KLF15: variants seen among roughly 807,000 people sequenced by gnomAD.
KLF15 encodes KLF transcription factor 15.
Under a neutral mutation model 24.6 loss-of-function variants are expected in KLF15, and 4 were observed. The observed-to-expected ratio is 0.16, with a 90% CI of 0.08 to 0.37. The LOEUF is 0.37. KLF15 is among the 10% of genes least tolerant of loss of function. The pLI is 1.00. For synonymous variants in KLF15, 246 were observed against 236.3 expected, an observed-to-expected ratio of 1.04 and a Z score of -0.37; for missense variants, 496 against 560.6, an observed-to-expected ratio of 0.88 and a Z score of 1.16.
chr3:126,348,200 A>C (rs930414664), intron 2 of KLF15, among the ~76,000 whole-genome samples: 4 of 152,202 alleles, frequency 2.6e-5, no homozygotes, highest in Non-Finnish European at 4.4e-5. Flanking sequence ...TGGAGAATTT[A>C]CCTAACTCTT....
At chr3:126,353,744 G>T (rs1218413555) in intron 1 of KLF15, among the ~76,000 whole-genome samples, 1 of 152,206 alleles carries the variant, frequency 6.6e-6, no homozygotes, top group Non-Finnish European at 1.5e-5. Flanking sequence ...TGACTGCCCT[G>T]TGAGTGGCAC....
intron 1 of KLF15, among the ~76,000 whole-genome samples, chr3:126,353,837 G>A (rs910162283): frequency 3.9e-5 from 6 of 152,176 alleles, no homozygotes; most frequent in African/African-American, 1.4e-4. Flanking sequence ...GTGATAATCC[G>A]TGGAGTGGAA....
chr3:126,323,417 ATATATATATAT>A, the KLF15 span, among the ~76,000 whole-genome samples: 1 of 38,242 alleles, frequency 2.6e-5, no homozygotes, highest in African/African-American at 1.1e-4. Flanking sequence ...ATATATATAT[ATATATATATAT>A]ATATATAACA....
chr3:126,334,136 A>C, the KLF15 span, among the ~76,000 whole-genome samples: 1 of 152,012 alleles, frequency 6.6e-6, no homozygotes, highest in Admixed American at 6.6e-5. Context: ...TCAGCACCAC[A>C]CCACACCTAT....
At chr3:126,320,083 C>T in the KLF15 span, among the ~76,000 whole-genome samples, 2 of 152,098 alleles carry the variant, frequency 1.3e-5, no homozygotes, top group South Asian at 4.1e-4. Flanking sequence ...AGGATCGCAC[C>T]TTCCTAGAGG....
At chr3:126,339,511 C>T (rs1393177226), downstream of KLF15, among the ~76,000 whole-genome samples, 1 of 152,106 alleles carries the variant, frequency 6.6e-6, no homozygotes, top group Non-Finnish European at 1.5e-5. Context: ...CTCTTTGCCT[C>T]ATTCTGCATC....
downstream of KLF15, among the ~76,000 whole-genome samples, chr3:126,338,682 A>T (rs1223851331): frequency 6.6e-6 from 1 of 152,190 alleles, no homozygotes; most frequent in Non-Finnish European, 1.5e-5. Flanking sequence ...TGACATTTGC[A>T]CTTAGGTTTT....
the KLF15 span, among the ~76,000 whole-genome samples, chr3:126,330,319 G>T: frequency 1.8e-4 from 28 of 152,350 alleles, no homozygotes; most frequent in African/African-American, 6.7e-4. Context: ...ACTGAGCTTT[G>T]AGGTGGGCTG....
rs193117292 is a variant in KLF15 at position 126,352,933 on chromosome 3, C to A, written c.-11G>T. On this transcript the variant is annotated 5_prime_UTR_variant, in exon 2 of 3. Transcript: ENST00000296233. ...TAAGTGGTCCACCATGCTGGCCTGGCCGTGCCGGTGGCGGCTGCAGGAAAG... is the reference window on the plus strand; with the variant it reads ...TAAGTGGTCCACCATGCTGGCCTGGACGTGCCGGTGGCGGCTGCAGGAAAG... 81 of 1,586,680 alleles carry A rather than the reference C, an allele frequency of 5.1e-5. No homozygotes were observed. The East Asian group carries it at 1.7e-3, about 33-fold the overall frequency.
intron 2 of KLF15, among the ~76,000 whole-genome samples, chr3:126,347,042 G>A (rs1042750220): frequency 1.3e-5 from 2 of 152,184 alleles, no homozygotes; most frequent in Non-Finnish European, 2.9e-5. Context: ...ATGGAGTTGA[G>A]TGTTGGGCCT....
At chr3:126,313,962 C>A in the KLF15 span, among the ~76,000 whole-genome samples, 2 of 152,242 alleles carry the variant, frequency 1.3e-5, no homozygotes, top group African/African-American at 4.8e-5. Flanking sequence ...GGCACACAGC[C>A]AGGCTCATAC....
chr3:126,329,158 C>T, the KLF15 span, among the ~76,000 whole-genome samples: 3 of 152,184 alleles, frequency 2.0e-5, no homozygotes, highest in African/African-American at 7.2e-5. Flanking sequence ...AGTGGATTTT[C>T]TGTGTATGGT....
intron 1 of KLF15, among the ~76,000 whole-genome samples, chr3:126,354,520 C>T (rs577900753): frequency 6.6e-6 from 1 of 152,274 alleles, no homozygotes; most frequent in South Asian, 2.1e-4. Flanking sequence ...GCTCAGGGAC[C>T]CCAGGACCTT....
chr3:126,339,162 G>A (rs532668176), downstream of KLF15, among the ~76,000 whole-genome samples: 6 of 152,298 alleles, frequency 3.9e-5, no homozygotes, highest in African/African-American at 1.4e-4. Flanking sequence ...TGACGGGCCC[G>A]GCTGTTTGGG....
At chr3:126,341,790 G>A (rs183783042), downstream of KLF15, among the ~76,000 whole-genome samples, 126 of 152,202 alleles carry the variant, frequency 8.3e-4, 2 homozygotes, top group East Asian at 0.02. Flanking sequence ...CACTTGACCC[G>A]ACTTGCATCC....
At chr3:126,305,860 A>G in the KLF15 span, among the ~76,000 whole-genome samples, 1 of 152,204 alleles carries the variant, frequency 6.6e-6, no homozygotes, top group Non-Finnish European at 1.5e-5. Context: ...GAAGAGAGAA[A>G]TGTTTTCTTT....
the KLF15 span, among the ~76,000 whole-genome samples, chr3:126,291,500 TAA>T: frequency 2.6e-5 from 4 of 152,230 alleles, no homozygotes; most frequent in Non-Finnish European, 5.9e-5. Context: ...TGAGATAAAT[TAA>T]AGAGTGTTCT....
At chr3:126,306,913 C>T in the KLF15 span, among the ~76,000 whole-genome samples, 16 of 152,356 alleles carry the variant, frequency 1.1e-4, no homozygotes, top group Middle Eastern at 3.4e-3. Flanking sequence ...CCCTCCACTC[C>T]ACCCAAGCTG....
At chr3:126,331,179 T>A in the KLF15 span, among the ~76,000 whole-genome samples, 2 of 152,176 alleles carry the variant, frequency 1.3e-5, no homozygotes, top group African/African-American at 4.8e-5. Flanking sequence ...GAGCCCCTCT[T>A]CTGGATGCAG....
Sources: gnomAD v4.1 joint callset for allele counts (sites outside exome capture counted in the v4.1 genomes callset) on GRCh38, gnomAD v4.1.1 for gene constraint, MANE v1.5 for transcripts, NCBI Gene and HGNC (gene_info 2026-07-23, HGNC 2026-07-21) for gene names.